TRAPPC9: variants seen among roughly 807,000 people sequenced by gnomAD.
TRAPPC9 encodes IKK2 binding protein.
In TRAPPC9, 83 loss-of-function variants were observed where a neutral mutation model predicts 124.0. The observed-to-expected ratio is 0.67, with a 90% CI of 0.56 to 0.80. TRAPPC9 has a LOEUF of 0.80. TRAPPC9 is among the 30% of genes least tolerant of loss of function. The pLI is 0.00. For synonymous variants in TRAPPC9, 638 were observed against 617.5 expected (o/e 1.03, Z -0.49); for missense variants, 1,302 against 1,508.3 (o/e 0.86, Z 2.27).
chr8:139,858,922 C>T (rs1378924741), intron 21 of TRAPPC9, among the ~76,000 whole-genome samples: 1 of 148,528 alleles, frequency 6.7e-6, no homozygotes, highest in African/African-American at 2.5e-5. Context: ...GCTCCTCCTA[C>T]GGTCTCCATC....
intron 16 of TRAPPC9, among the ~76,000 whole-genome samples, chr8:140,234,672 C>T (rs187337600): frequency 2.0e-5 from 3 of 152,334 alleles, no homozygotes; most frequent in Admixed American, 1.3e-4. Flanking sequence ...TAGAAGAGAA[C>T]ATTAAGAATT....
intron 17 of TRAPPC9, among the ~76,000 whole-genome samples, chr8:140,155,948 C>T (rs1057221106): frequency 6.6e-6 from 1 of 152,170 alleles, no homozygotes; most frequent in East Asian, 1.9e-4. Context: ...AATACACTTG[C>T]TTATGGCCCA....
chr8:139,730,645 G>A lies in TRAPPC9; in HGVS notation c.*416C>T, dbSNP rs1817755759. 4.4e-6 allele frequency: 1 copy of A among 227,258 alleles called. No homozygotes were observed. The highest frequency in any genetic ancestry group is 8.8e-6 in the Non-Finnish European group (1 of 113,952). The allele number at this position is 227,258 out of a possible 1,614,324, so 14.1% of individuals were successfully genotyped here. A position where few individuals can be genotyped will look rare whatever the true frequency, so the allele number is the denominator to read the frequency against. On this transcript the variant is annotated 3_prime_UTR_variant, in exon 23 of 23. Transcript: ENST00000438773. ...TGCCCACGCCCTCAGGCTGTGCCCA[G>A]TCTCATGCTCACCATTTCTTTCTAT...
intron 19 of TRAPPC9, chr8:139,932,459 T>A: frequency 2.2e-6 from 1 of 457,748 alleles, no homozygotes; most frequent in Non-Finnish European, 4.4e-6. Context: ...ACCTGACTCC[T>A]GGGGTAGAAA....
intron 21 of TRAPPC9, among the ~76,000 whole-genome samples, chr8:139,816,949 C>T (rs1407216096): frequency 1.3e-5 from 2 of 151,956 alleles, no homozygotes; most frequent in African/African-American, 2.4e-5. Flanking sequence ...CCTTTTGCTC[C>T]AGATGATATG....
chr8:140,354,053 G>A (rs1458920833), intron 9 of TRAPPC9, among the ~76,000 whole-genome samples: 1 of 152,234 alleles, frequency 6.6e-6, no homozygotes, highest in Non-Finnish European at 1.5e-5. Context: ...GAAGGCAGCA[G>A]AATAGCAATG....
chr8:140,293,117 C>T (rs1227108555), intron 11 of TRAPPC9, among the ~76,000 whole-genome samples: 1 of 148,350 alleles, frequency 6.7e-6, no homozygotes, highest in East Asian at 1.9e-4. Flanking sequence ...TGAAAAAATG[C>T]TCACCATCAC....
At chr8:139,998,807 T>C (rs1482461441) in intron 18 of TRAPPC9, among the ~76,000 whole-genome samples, 1 of 152,044 alleles carries the variant, frequency 6.6e-6, no homozygotes, top group Non-Finnish European at 1.5e-5. Context: ...TAACATTGGG[T>C]TTACAATGTA....
At chr8:140,359,956 T>A in intron 9 of TRAPPC9, 94 bp downstream of exon 9, 2 of 1,579,652 alleles carry the variant, frequency 1.3e-6, no homozygotes, top group Non-Finnish European at 1.7e-6. Context: ...TTCCACCCAC[T>A]GAAACCCAAG....
At chr8:140,011,867 AG>A (rs1418728470) in intron 18 of TRAPPC9, among the ~76,000 whole-genome samples, 2 of 151,770 alleles carry the variant, frequency 1.3e-5, no homozygotes, top group African/African-American at 4.8e-5. Context: ...TTGTAGAGAC[AG>A]GGTTTCACCA....
chr8:140,024,724 C>A (rs536859456), intron 17 of TRAPPC9, among the ~76,000 whole-genome samples: 2 of 151,514 alleles, frequency 1.3e-5, no homozygotes, highest in South Asian at 4.2e-4. Flanking sequence ...GGATGACAGG[C>A]GTGTGGGATG....
At chr8:139,769,716 C>T (rs1042844866) in intron 21 of TRAPPC9, among the ~76,000 whole-genome samples, 6 of 152,134 alleles carry the variant, frequency 3.9e-5, no homozygotes, top group African/African-American at 1.4e-4. Context: ...TTAAAATAAG[C>T]AGTAACCTAG....
At chr8:139,914,143 A>T (rs1831942048) in intron 19 of TRAPPC9, 1 of 152,284 alleles carries the variant, frequency 6.6e-6, no homozygotes, top group African/African-American at 2.4e-5. Flanking sequence ...ACTTTGAATG[A>T]GGGCCGAGGC....
chr8:139,779,449 T>C (rs189459786), intron 21 of TRAPPC9, among the ~76,000 whole-genome samples: 6 of 152,176 alleles, frequency 3.9e-5, no homozygotes, highest in Admixed American at 2.0e-4. Flanking sequence ...GGTAACTACA[T>C]GAGTAAATAC....
intron 16 of TRAPPC9, among the ~76,000 whole-genome samples, chr8:140,226,654 G>A (rs1316150900): frequency 6.6e-6 from 1 of 151,080 alleles, no homozygotes; most frequent in Non-Finnish European, 1.5e-5. Context: ...CCAGGTATGG[G>A]GCCTGCCTGC....
chr8:140,014,509 C>T (rs1310081855), intron 18 of TRAPPC9, among the ~76,000 whole-genome samples: 2 of 152,258 alleles, frequency 1.3e-5, no homozygotes, highest in East Asian at 3.9e-4. Flanking sequence ...ACTGCCCCCT[C>T]TGTTATTTAA....
At chr8:139,910,741 C>T (rs1245324556) in intron 19 of TRAPPC9, among the ~76,000 whole-genome samples, 1 of 151,568 alleles carries the variant, frequency 6.6e-6, no homozygotes, top group Non-Finnish European at 1.5e-5. Context: ...CCTCCTCCCC[C>T]TACCATTTCC....
intron 17 of TRAPPC9, among the ~76,000 whole-genome samples, chr8:140,076,542 A>C (rs1843521806): frequency 6.6e-6 from 1 of 152,246 alleles, no homozygotes; most frequent in Admixed American, 6.5e-5. Context: ...ACGTGTGTCC[A>C]TCCGCATTCC....
chr8:140,291,719 T>C (rs2065666840), intron 11 of TRAPPC9, among the ~76,000 whole-genome samples: 1 of 152,204 alleles, frequency 6.6e-6, no homozygotes, highest in Non-Finnish European at 1.5e-5. Context: ...TCTGAGTTAA[T>C]CAAAAGGAAG....
Sources: gnomAD v4.1 joint callset for allele counts (sites outside exome capture counted in the v4.1 genomes callset) on GRCh38, gnomAD v4.1.1 for gene constraint, MANE v1.5 for transcripts, NCBI Gene and HGNC (gene_info 2026-07-23, HGNC 2026-07-21) for gene names.